SLC26A7: variants seen among roughly 807,000 people sequenced by gnomAD.
SLC26A7 encodes the protein solute carrier family 26 member 7.
Under a neutral mutation model 82.5 loss-of-function variants are expected in SLC26A7, and 59 were observed. The ratio of observed to expected loss-of-function variants is 0.72; its 90% confidence interval spans 0.58 to 0.89. SLC26A7 has a LOEUF of 0.89. Ranked by LOEUF, SLC26A7 falls within the 40% of genes least tolerant of loss-of-function variation. SLC26A7 has a pLI of 0.00. For missense variants in SLC26A7, 820 were observed against 793.0 expected (o/e 1.03, Z -0.41); for synonymous variants, 271 against 274.3 (o/e 0.99, Z 0.12).
chr8:91,291,079 G>A (rs1289195299), intron 3 of SLC26A7, among the ~76,000 whole-genome samples: 1 of 152,020 alleles, frequency 6.6e-6, no homozygotes, highest in Admixed American at 6.6e-5. Context: ...GCATATTTGT[G>A]TACGTATATA....
At chr8:91,335,356 C>T (rs973444002) in intron 6 of SLC26A7, among the ~76,000 whole-genome samples, 14 of 152,036 alleles carry the variant, frequency 9.2e-5, no homozygotes, top group Admixed American at 3.9e-4. Flanking sequence ...TGATCCTATA[C>T]TCTTGATAAT....
chr8:91,366,617 AC>A lies in SLC26A7; in HGVS notation c.1529del (p.Pro510ArgfsTer5). 2 of 1,613,474 alleles carry A rather than the reference AC, an allele frequency of 1.2e-6. No individual in the cohort carries two copies. Among genetic ancestry groups the A allele is most frequent in the Non-Finnish European group, 1.7e-6 (2 of 1,179,810 alleles). On this transcript the variant is annotated frameshift_variant, in exon 14 of 19. Transcript: ENST00000276609. LOFTEE classifies it high-confidence loss of function. The stretch of plus-strand genomic sequence containing the variant: ...CAGGTGAAAATTATCTCAATAAACA[AC>A]CCGCTTGTTTTCCTGAATGCAAAAA... ...LQQVKIISIN[N>X]PLVFLNAKKF...
intron 2 of SLC26A7, among the ~76,000 whole-genome samples, chr8:91,241,128 TGTAA>T: frequency 6.6e-6 from 1 of 152,270 alleles, no homozygotes; most frequent in Admixed American, 6.5e-5. Flanking sequence ...TAATAAAAAT[TGTAA>T]GTAACCAGTT....
intron 1 of SLC26A7, among the ~76,000 whole-genome samples, chr8:91,211,506 T>C (rs1354490343): frequency 3.3e-5 from 5 of 151,006 alleles, no homozygotes; most frequent in Non-Finnish European, 7.4e-5. Flanking sequence ...CACAGAATAC[T>C]TGGGGATGAT....
At chr8:91,337,370 T>C (rs980459058) in intron 6 of SLC26A7, among the ~76,000 whole-genome samples, 5 of 152,144 alleles carry the variant, frequency 3.3e-5, no homozygotes, top group African/African-American at 1.2e-4. Context: ...ACAAGATGAA[T>C]TACTCCAAAC....
At chr8:91,305,154 G>T (rs1812269329) in intron 4 of SLC26A7, among the ~76,000 whole-genome samples, 1 of 152,076 alleles carries the variant, frequency 6.6e-6, no homozygotes, top group East Asian at 1.9e-4. Context: ...TAATAAATGT[G>T]AGTTGATTAA....
At chr8:91,391,058 T>G (rs1814953236) in intron 16 of SLC26A7, among the ~76,000 whole-genome samples, 1 of 152,210 alleles carries the variant, frequency 6.6e-6, no homozygotes, top group Non-Finnish European at 1.5e-5. Context: ...GGTCTCATGT[T>G]GTGGACTGGG....
intron 2 of SLC26A7, among the ~76,000 whole-genome samples, chr8:91,256,896 A>T (rs1244298196): frequency 6.6e-6 from 1 of 152,118 alleles, no homozygotes; most frequent in Admixed American, 6.5e-5. Flanking sequence ...TAGGACTGCT[A>T]AGATGGATTA....
chr8:91,271,191 A>G (rs1811257827), intron 2 of SLC26A7, among the ~76,000 whole-genome samples: 1 of 152,036 alleles, frequency 6.6e-6, no homozygotes, highest in Non-Finnish European at 1.5e-5. Flanking sequence ...CCTCCCTTCC[A>G]TGCTCTCCAA....
chr8:91,256,700 T>C (rs1810813531), intron 2 of SLC26A7, among the ~76,000 whole-genome samples: 1 of 152,154 alleles, frequency 6.6e-6, no homozygotes, highest in Non-Finnish European at 1.5e-5. Flanking sequence ...TTTTTTGCTT[T>C]GTTTATGTAG....
intron 2 of SLC26A7, among the ~76,000 whole-genome samples, chr8:91,266,042 AT>A (rs570474606): frequency 1.3e-5 from 2 of 151,484 alleles, no homozygotes; most frequent in Non-Finnish European, 3.0e-5. Context: ...TTTATTTATG[AT>A]TTTTTTTAGT....
chr8:91,211,116 A>T (rs750780736), intron 1 of SLC26A7, among the ~76,000 whole-genome samples: 9 of 152,180 alleles, frequency 5.9e-5, no homozygotes, highest in African/African-American at 1.2e-4. Context: ...AAGGGAAAAT[A>T]ACTCAAAATG....
intron 15 of SLC26A7, among the ~76,000 whole-genome samples, chr8:91,378,815 C>T (rs1814590658): frequency 1.3e-5 from 2 of 151,796 alleles, no homozygotes; most frequent in African/African-American, 2.4e-5. Context: ...AGGAAATTTA[C>T]AACAAAAATA....
chr8:91,387,034 A>C (rs1814820305), intron 15 of SLC26A7, among the ~76,000 whole-genome samples: 1 of 152,106 alleles, frequency 6.6e-6, no homozygotes, highest in Non-Finnish European at 1.5e-5. Flanking sequence ...TATATTATAT[A>C]AATTTTTTAT....
intron 16 of SLC26A7, among the ~76,000 whole-genome samples, chr8:91,391,192 T>C (rs921814098): frequency 6.6e-5 from 10 of 152,152 alleles, no homozygotes; most frequent in African/African-American, 2.4e-4. Flanking sequence ...TGCTTTCCTG[T>C]GAAGATACGG....
At chr8:91,329,774 TC>T (rs1813028698) in intron 5 of SLC26A7, among the ~76,000 whole-genome samples, 3 of 152,180 alleles carry the variant, frequency 2.0e-5, no homozygotes, top group Admixed American at 2.0e-4. Context: ...TATCCTGAGA[TC>T]ATGAAAAATC....
At chr8:91,297,337 G>C (rs1241104817) in intron 4 of SLC26A7, among the ~76,000 whole-genome samples, 1 of 151,418 alleles carries the variant, frequency 6.6e-6, no homozygotes, top group Non-Finnish European at 1.5e-5. Flanking sequence ...CAGGTATTCT[G>C]TTATTATCTA....
At chr8:91,222,250 T>A (rs1304107592) in intron 2 of SLC26A7, among the ~76,000 whole-genome samples, 2 of 152,154 alleles carry the variant, frequency 1.3e-5, no homozygotes, top group Non-Finnish European at 2.9e-5. Context: ...AAGTTGCTTA[T>A]CAGTTCAAGA....
chr8:91,380,069 G>A (rs559529800), intron 15 of SLC26A7, among the ~76,000 whole-genome samples: 2 of 152,110 alleles, frequency 1.3e-5, no homozygotes, highest in East Asian at 3.9e-4. Flanking sequence ...ATTATTCACA[G>A]CTATTATTGG....
Sources: gnomAD v4.1 joint callset for allele counts (sites outside exome capture counted in the v4.1 genomes callset) on GRCh38, gnomAD v4.1.1 for gene constraint, MANE v1.5 for transcripts, NCBI Gene and HGNC (gene_info 2026-07-23, HGNC 2026-07-21) for gene names.